Variants in ZNF512 observed in about 807,000 individuals in gnomAD.
The protein encoded by ZNF512 is zinc finger protein 512.
Under a neutral mutation model 77.5 loss-of-function variants are expected in ZNF512, and 25 were observed. That is an observed-to-expected ratio of 0.32 (90% CI 0.23 to 0.45). The LOEUF (loss-of-function observed/expected upper bound fraction) is 0.45. Among genes scored for constraint, ZNF512 ranks in the 20% least tolerant of loss-of-function variants. The pLI is 1.00. For synonymous variants in ZNF512, 246 were observed against 239.9 expected (o/e 1.03, Z -0.24); for missense variants, 483 against 692.6 (o/e 0.70, Z 3.40).
intron 9 of ZNF512, among the ~76,000 whole-genome samples, chr2:27,605,169 T>C (rs530037784): frequency 1.3e-5 from 2 of 152,150 alleles, no homozygotes; most frequent in South Asian, 4.1e-4. Context: ...ACAAAGGTTT[T>C]TGGGCTGGGC....
chr2:27,600,721 T>A lies in ZNF512; in HGVS notation c.488T>A (p.Ile163Asn). Residue 163 changes from isoleucine to asparagine, a missense_variant, in exon 6 of 14, where the codon ATC becomes AAC. This residue lies in a region of ZNF512 where 324 missense variants were observed against 525.0 expected (regional missense o/e 0.62). Transcript: ENST00000355467. ...TTGGAGGAGCAATGGTACTTAGAAATCGTTGATAAAGGCAGTGTCTCCTGC... is the reference window on the plus strand; with the variant it reads ...TTGGAGGAGCAATGGTACTTAGAAAACGTTGATAAAGGCAGTGTCTCCTGC... ...GSLEEQWYLE[I>N]VDKGSVSCPT... The A allele has an allele frequency of 1.2e-6, 2 of 1,613,968 alleles. No individual in the cohort carries two copies. The highest frequency in any genetic ancestry group is 1.7e-6 in the Non-Finnish European group (2 of 1,179,902).
At chr2:27,592,001 T>A (rs929644829) in intron 2 of ZNF512, among the ~76,000 whole-genome samples, 1 of 152,200 alleles carries the variant, frequency 6.6e-6, no homozygotes, top group Non-Finnish European at 1.5e-5. Context: ...TTTAAACAAT[T>A]TTTTTGAGAC....
At position 27,595,014 on chromosome 2, in the gene ZNF512, A is replaced by G. The variant is rs1374645737; in HGVS notation, c.90-3053A>G. Among the ~76,000 whole-genome samples the G allele has an allele frequency of 2.0e-5, 3 of 152,128 alleles. No homozygotes were observed. The East Asian group carries it at 5.8e-4, about 30-fold the overall frequency. ...CGTGGCGGCGCGTGCCTGCAATCCC[A>G]GGCATTGGGCAGGCCCAGGCAGGAG... On this transcript the variant is annotated intron_variant, in intron 2 of 13. Transcript: ENST00000355467.
rs139890307 is a variant in ZNF512, at chr2:27,592,667, CTTTTTTTTTTTTTTTTT to C, written c.90-5386_90-5370del. ...TACCCATATAATTTACCATGTTTAC[CTTTTTTTTTTTTTTTTT>C]TTTTTTTTTTTTTGTTTGAGACAGA... is the stretch of plus-strand genomic sequence containing the variant. On this transcript the variant is annotated intron_variant, in intron 2 of 13. Transcript: ENST00000355467. Among the ~76,000 whole-genome samples the C allele has an allele frequency of 8.6e-5, 7 of 81,558 alleles. 1 individual carries two copies. Among genetic ancestry groups the C allele is most frequent in the Admixed American group, 7.0e-4 (4 of 5,706 alleles). 53.5% of individuals were successfully genotyped at this position (81,558 alleles called of 152,430 possible). A position where few individuals can be genotyped will look rare whatever the true frequency, so the allele number is the denominator to read the frequency against.
intron 9 of ZNF512, among the ~76,000 whole-genome samples, chr2:27,605,214 G>C (rs1012361922): frequency 6.6e-6 from 1 of 152,134 alleles, no homozygotes; most frequent in Admixed American, 6.5e-5. Flanking sequence ...AGCACTTTGG[G>C]AGGCTGATGC....
chr2:27,612,567 C>T (rs924240491), intron 10 of ZNF512, among the ~76,000 whole-genome samples: 1 of 152,044 alleles, frequency 6.6e-6, no homozygotes, highest in African/African-American at 2.4e-5. Flanking sequence ...AATCCAACAC[C>T]ACAAGTTTCC....
chr2:27,583,782 C>A (rs1671218691), intron 2 of ZNF512, 66 bp downstream of exon 2: 1 of 1,556,502 alleles, frequency 6.4e-7, no homozygotes, highest in Non-Finnish European at 8.8e-7. Flanking sequence ...GAACTTCTTC[C>A]TGTGATGAAA....
intron 10 of ZNF512, among the ~76,000 whole-genome samples, chr2:27,608,710 C>T (rs1484228418): frequency 6.6e-6 from 1 of 152,032 alleles, no homozygotes; most frequent in Non-Finnish European, 1.5e-5. Flanking sequence ...TGAAGGGATA[C>T]ATAATAAGAA....
At chr2:27,621,068 T>C (rs892731564) in intron 13 of ZNF512, 85 bp from the exon 14 acceptor site, 3 of 1,470,604 alleles carry the variant, frequency 2.0e-6, no homozygotes, top group Admixed American at 4.1e-5. Flanking sequence ...GCCCTAATCA[T>C]GCCTTTTTTC....
intron 2 of ZNF512, among the ~76,000 whole-genome samples, chr2:27,585,589 G>T (rs1407998854): frequency 6.6e-6 from 1 of 152,172 alleles, no homozygotes; most frequent in African/African-American, 2.4e-5. Context: ...GAGAACACTA[G>T]CTTTTAAAGA....
At chr2:27,606,966 ACCTGCATTC>A (rs1262562801) in intron 9 of ZNF512, among the ~76,000 whole-genome samples, 2 of 152,016 alleles carry the variant, frequency 1.3e-5, no homozygotes, top group East Asian at 1.9e-4. Context: ...TCCAAAGGCC[ACCTGCATTC>A]CCTGGCTCAT....
At chr2:27,596,652 G>A (rs1200364213) in intron 2 of ZNF512, among the ~76,000 whole-genome samples, 4 of 152,180 alleles carry the variant, frequency 2.6e-5, no homozygotes, top group Non-Finnish European at 5.9e-5. Context: ...GTTTTTGTTT[G>A]TTTTACAGAG....
At chr2:27,617,924 A>C (rs948103788) in intron 13 of ZNF512, among the ~76,000 whole-genome samples, 2 of 142,628 alleles carry the variant, frequency 1.4e-5, no homozygotes, top group African/African-American at 2.6e-5. Context: ...AAAAAAAATC[A>C]CTGTGACTGT....
In ZNF512 at chr2:27,621,344, G is replaced by A. The variant is rs770531751; in HGVS notation, c.1587G>A (p.Arg529=). The change falls in exon 14 of 14, where the codon AGG becomes AGA. Residue 529 remains arginine, a synonymous_variant. Coordinates refer to ENST00000355467, the MANE Select transcript of ZNF512 (RefSeq NM_032434.4). Reference sequence around the variant, plus strand: ...TTAGAGTAGGGAAGGATCAGAGGAGGAATAATGAGGAACTGGTAGTGTCAG... The same window carrying A: ...TTAGAGTAGGGAAGGATCAGAGGAGAAATAATGAGGAACTGGTAGTGTCAG... ...LSLRVGKDQR[R]NNEELVVSAS... 258 of 1,614,040 alleles carry A rather than the reference G, an allele frequency of 1.6e-4. No individual in the cohort carries two copies. The highest frequency in any genetic ancestry group is 2.0e-4 in the Non-Finnish European group (233 of 1,180,032).
At chr2:27,610,705 C>T (rs1278896372) in intron 10 of ZNF512, among the ~76,000 whole-genome samples, 1 of 147,886 alleles carries the variant, frequency 6.8e-6, no homozygotes, top group Non-Finnish European at 1.5e-5. Flanking sequence ...CTCAGCCTCC[C>T]AAGTAGCTGG....
intron 13 of ZNF512, among the ~76,000 whole-genome samples, chr2:27,618,017 C>T (rs1572938157): frequency 6.6e-6 from 1 of 151,660 alleles, no homozygotes; most frequent in Non-Finnish European, 1.5e-5. Context: ...CTGCAACCTC[C>T]ACCTCTCGGG....
chr2:27,614,915 T>C (rs1331677316), intron 10 of ZNF512, among the ~76,000 whole-genome samples: 3 of 152,150 alleles, frequency 2.0e-5, no homozygotes, highest in Admixed American at 6.5e-5. Context: ...TTTTTTTCTT[T>C]TTAAACTGTA....
At chr2:27,597,959 G>A in intron 2 of ZNF512, 108 bp from the exon 3 acceptor site, 1 of 751,042 alleles carries the variant, frequency 1.3e-6, no homozygotes, top group South Asian at 2.6e-5. Flanking sequence ...TTTATAGCAG[G>A]CTTCTTAGTT....
At chr2:27,592,543 G>A (rs1166343505) in intron 2 of ZNF512, among the ~76,000 whole-genome samples, 1 of 151,734 alleles carries the variant, frequency 6.6e-6, no homozygotes, top group Non-Finnish European at 1.5e-5. Flanking sequence ...TCCAACTCCT[G>A]ACCTCAAGTG....
Sources: gnomAD v4.1 joint callset for allele counts (sites outside exome capture counted in the v4.1 genomes callset) on GRCh38, gnomAD v4.1.1 for gene constraint, gnomAD v4.1.1 regional missense constraint, MANE v1.5 for transcripts, NCBI Gene and HGNC (gene_info 2026-07-23, HGNC 2026-07-21) for gene names.